The following MOXD1 variants were observed in gnomAD, a reference collection of about 807,000 sequenced individuals.
The protein encoded by MOXD1 is monooxygenase DBH like 1.
Under a neutral mutation model 66.6 loss-of-function variants are expected in MOXD1, and 62 were observed. The ratio of observed to expected loss-of-function variants is 0.93; its 90% CI spans 0.76 to 1.15. The LOEUF (loss-of-function observed/expected upper bound fraction) is 1.15, where lower values mean the gene tolerates loss of function less well. Ranked by LOEUF, MOXD1 falls within the 50% of genes most tolerant of loss-of-function variation. The pLI, the probability that MOXD1 is intolerant of heterozygous loss-of-function variation, is 0.00. For synonymous variants in MOXD1, 303 were observed against 281.9 expected, an observed-to-expected ratio of 1.07 and a Z score of -0.75; for missense variants, 847 against 754.6, an observed-to-expected ratio of 1.12 and a Z score of -1.44.
At chr6:132,320,479 A>G in intron 9 of MOXD1, 150 bp downstream of exon 9, 3 of 583,240 alleles carry the variant, frequency 5.1e-6, no homozygotes, top group Non-Finnish European at 8.8e-6. Flanking sequence ...TGCTAAAAAC[A>G]TCTCTGATGT....
intron 4 of MOXD1, among the ~76,000 whole-genome samples, chr6:132,357,077 T>C (rs551430513): frequency 6.6e-6 from 1 of 152,188 alleles, no homozygotes; most frequent in East Asian, 1.9e-4. Context: ...ATCTTTCAAA[T>C]GATGAGAGAT....
chr6:132,346,860 C>G (rs1398712507), intron 4 of MOXD1, among the ~76,000 whole-genome samples: 1 of 152,080 alleles, frequency 6.6e-6, no homozygotes, highest in African/African-American at 2.4e-5. Context: ...TTTACAACTC[C>G]CCATTATTGG....
At position 132,298,017 on chromosome 6, in the gene MOXD1, T is replaced by C. The variant is rs1048158529; in HGVS notation, c.1509-62A>G. 18 of 1,430,170 alleles carry C rather than the reference T, an allele frequency of 1.3e-5. No individual in the cohort carries two copies. In the Middle Eastern group the frequency reaches 1.1e-3, roughly 86 times the overall value. 88.6% of individuals were successfully genotyped at this position (1,430,170 alleles called of 1,614,324 possible). A position where few individuals can be genotyped will look rare whatever the true frequency, so the allele number is the denominator to read the frequency against. On this transcript the variant is annotated intron_variant, in intron 10 of 11. Transcript: ENST00000367963. Reference sequence around the variant, plus strand: ...AAATGCATTACATGTTTCCTTTACTTTTCAGCATCCTAAAATAGATCTCAC... The same window carrying C: ...AAATGCATTACATGTTTCCTTTACTCTTCAGCATCCTAAAATAGATCTCAC...
chr6:132,392,269 A>G (rs1227452471), intron 1 of MOXD1: 1 of 1,603,644 alleles, frequency 6.2e-7, no homozygotes, highest in Non-Finnish European at 8.5e-7. Context: ...TTCGCATCAC[A>G]GGCCTCAGTT....
At chr6:132,325,958 T>C (rs1013747259) in intron 6 of MOXD1, among the ~76,000 whole-genome samples, 10 of 152,234 alleles carry the variant, frequency 6.6e-5, no homozygotes, top group African/African-American at 2.4e-4. Flanking sequence ...ATGTAGAATA[T>C]CTATACTGAC....
Position 132,353,849 on chromosome 6 carries a change from C to T in MOXD1, c.663+18759G>A, listed in dbSNP as rs979911937. Among the ~76,000 whole-genome samples the T allele has an allele frequency of 2.6e-5, 4 of 151,988 alleles. No individual in the cohort carries two copies. In the East Asian group the frequency reaches 5.8e-4, roughly 22 times the overall value. On this transcript the variant is annotated intron_variant, in intron 4 of 11. Transcript: ENST00000367963. ...ACCATAATTCCAGACTTCTTGGAGG[C>T]CTTGTTTATATTTTCTTATTTTTTC...
chr6:132,298,790 C>T lies in MOXD1; in HGVS notation c.1509-835G>A, dbSNP rs534368981. 6.4e-4 allele frequency among the ~76,000 whole-genome samples: 97 copies of T among 152,044 alleles called. 1 individual carries two copies. Among genetic ancestry groups the T allele is most frequent in the African/African-American group, 2.3e-3 (94 of 41,486 alleles). ...ACAACAACTGATATTGGCAAGGTTG[C>T]AGAGAAAAGACAATGCTTATACATT... On this transcript the variant is annotated intron_variant, in intron 10 of 11. Transcript: ENST00000367963.
At chr6:132,350,816 G>C (rs1775786256) in intron 4 of MOXD1, among the ~76,000 whole-genome samples, 1 of 152,080 alleles carries the variant, frequency 6.6e-6, no homozygotes, top group African/African-American at 2.4e-5. Flanking sequence ...GTGTTTTGTA[G>C]CTTTCCTTGT....
At chr6:132,336,489 TATCCTC>T in intron 4 of MOXD1, among the ~76,000 whole-genome samples, 1 of 152,310 alleles carries the variant, frequency 6.6e-6, no homozygotes, top group East Asian at 1.9e-4. Context: ...TCTCCTGCCG[TATCCTC>T]ATCCCTAACA....
chr6:132,372,794 C>G, intron 3 of MOXD1, 36 bp downstream of exon 3: 1 of 1,611,164 alleles, frequency 6.2e-7, no homozygotes, highest in Non-Finnish European at 8.5e-7. Flanking sequence ...TTTCAATAAG[C>G]CCATCCCTAC....
At chr6:132,379,870 G>T (rs1472945193) in intron 1 of MOXD1, among the ~76,000 whole-genome samples, 6 of 151,966 alleles carry the variant, frequency 3.9e-5, no homozygotes, top group Admixed American at 3.9e-4. Context: ...ATCCAGGCTA[G>T]AGTACAGTGG....
chr6:132,337,859 T>C (rs769260924), intron 4 of MOXD1, among the ~76,000 whole-genome samples: 11 of 152,186 alleles, frequency 7.2e-5, no homozygotes, highest in Non-Finnish European at 1.5e-4. Flanking sequence ...TAGAACTTTA[T>C]GAAAATTTGA....
Position 132,300,385 on chromosome 6 carries a change from C to G in MOXD1, c.1509-2430G>C, listed in dbSNP as rs934948331. On this transcript the variant is annotated intron_variant, in intron 10 of 11. Transcript: ENST00000367963. ...AGCACTAAAAGCTACAGCTATTGATCATTTTAAGTCAATTATTAAAAATAA... is the reference window on the plus strand; with the variant it reads ...AGCACTAAAAGCTACAGCTATTGATGATTTTAAGTCAATTATTAAAAATAA... Among the ~76,000 whole-genome samples, 8 of 152,212 alleles carry G rather than the reference C, an allele frequency of 5.3e-5. No homozygotes were observed. In the South Asian group the frequency reaches 1.7e-3, roughly 32 times the overall value.
chr6:132,312,793 A>G (rs973935371), intron 10 of MOXD1, among the ~76,000 whole-genome samples: 4 of 151,666 alleles, frequency 2.6e-5, no homozygotes, highest in Non-Finnish European at 4.4e-5. Context: ...TAGAGGCTTC[A>G]TACCATTTAA....
At chr6:132,364,055 T>TA (rs930871583) in intron 4 of MOXD1, among the ~76,000 whole-genome samples, 50 of 151,468 alleles carry the variant, frequency 3.3e-4, no homozygotes, top group African/African-American at 9.7e-4. Context: ...AATTAAAAAA[T>TA]AAAAAAAAAT....
chr6:132,303,827 GTGTGTGTGTATA>G (rs1774615523), intron 10 of MOXD1, among the ~76,000 whole-genome samples: 31 of 99,170 alleles, frequency 3.1e-4, no homozygotes, highest in African/African-American at 4.0e-4. Flanking sequence ...GTGTGTGTGT[GTGTGTGTGTATA>G]TATATATATA....
chr6:132,341,745 T>C (rs1392681023), intron 4 of MOXD1, among the ~76,000 whole-genome samples: 6 of 152,238 alleles, frequency 3.9e-5, no homozygotes, highest in East Asian at 1.9e-4. Flanking sequence ...GTCCCCCTTA[T>C]GCAACTTTGC....
chr6:132,340,437 CT>C (rs1775527521), intron 4 of MOXD1, among the ~76,000 whole-genome samples: 1 of 127,508 alleles, frequency 7.8e-6, no homozygotes, highest in South Asian at 2.5e-4. Flanking sequence ...GCAAGCAACA[CT>C]TTCTTTTTTT....
Position 132,297,879 on chromosome 6 carries a change from A to T in MOXD1, c.1585T>A (p.Trp529Arg), listed in dbSNP as rs746024311. 4 of 1,613,386 alleles carry T rather than the reference A, an allele frequency of 2.5e-6. No homozygotes were observed. In the East Asian group the frequency reaches 8.9e-5, roughly 36 times the overall value. ...AAGGAGAGACCTTCCTTTTTAGTCC[A>T]TTTAAACTTATTCATAGCATCCATG... ...SFMDAMNKFK[W>R]TKKEGLSFNK... The change falls in exon 11 of 12, where the codon TGG becomes AGG. Residue 529 changes from tryptophan to arginine, a missense_variant. Transcript: ENST00000367963.
Sources: allele counts gnomAD v4.1 joint callset (sites outside exome capture counted in the v4.1 genomes callset), GRCh38; gene constraint gnomAD v4.1.1; transcripts MANE v1.5; gene names NCBI Gene and HGNC (gene_info 2026-07-23, HGNC 2026-07-21).